The following PIK3C3 variants were observed in gnomAD, a reference collection of about 807,000 sequenced individuals.
PIK3C3 encodes the protein phosphatidylinositol 3-kinase catalytic subunit type 3, also known as PI3-kinase type 3.
PIK3C3 carries 95 observed loss-of-function variants against 126.1 expected under a neutral mutation model. That is an observed-to-expected ratio of 0.75 (90% confidence interval 0.64 to 0.89). The LOEUF is 0.89. Among genes scored for constraint, PIK3C3 ranks in the 40% least tolerant of loss-of-function variants. PIK3C3 has a pLI of 0.00. For synonymous variants in PIK3C3, 374 were observed against 360.0 expected (o/e 1.04, Z -0.44); for missense variants, 829 against 1,063.2 (o/e 0.78, Z 3.06).
intron 15 of PIK3C3, among the ~76,000 whole-genome samples, chr18:42,032,654 T>TTATTTATG (rs1196140364): frequency 2.0e-5 from 3 of 150,494 alleles, no homozygotes; most frequent in Non-Finnish European, 4.4e-5. Flanking sequence ...ATTTATTTAT[T>TTATTTATG]TATTTATTTA....
At chr18:42,062,438 A>ATT (rs60319154) in intron 22 of PIK3C3, among the ~76,000 whole-genome samples, 46 of 146,972 alleles carry the variant, frequency 3.1e-4, no homozygotes, top group African/African-American at 4.0e-4. Context: ...ACATTATGAG[A>ATT]TTTTTTTTTT....
At chr18:41,991,509 A>G (rs574996000) in intron 6 of PIK3C3, among the ~76,000 whole-genome samples, 2 of 152,320 alleles carry the variant, frequency 1.3e-5, no homozygotes, top group East Asian at 3.9e-4. Context: ...TATTTCTTCT[A>G]GCATATGACC....
chr18:42,057,295 A>G (rs1427020444), intron 21 of PIK3C3, among the ~76,000 whole-genome samples: 2 of 152,148 alleles, frequency 1.3e-5, no homozygotes, highest in Non-Finnish European at 2.9e-5. Flanking sequence ...CTATACAATG[A>G]AAACAGATTT....
At chr18:42,014,167 C>A (rs576185128) in intron 11 of PIK3C3, among the ~76,000 whole-genome samples, 348 of 128,654 alleles carry the variant, frequency 2.7e-3, no homozygotes, top group Non-Finnish European at 4.0e-3. Context: ...GAGATTGCAC[C>A]AGTGCGCTCC....
At chr18:42,029,733 A>C (rs1177128702) in intron 15 of PIK3C3, among the ~76,000 whole-genome samples, 3 of 151,114 alleles carry the variant, frequency 2.0e-5, no homozygotes, top group Non-Finnish European at 4.4e-5. Context: ...AGTAGAGATG[A>C]GGTTTCACCA....
At chr18:41,970,754 G>T (rs1980625592) in intron 4 of PIK3C3, 3 of 547,510 alleles carry the variant, frequency 5.5e-6, no homozygotes, top group Non-Finnish European at 6.4e-6. Context: ...TCTGCTCCCT[G>T]CAGTTAGTTC....
intron 24 of PIK3C3, among the ~76,000 whole-genome samples, chr18:42,075,190 G>A (rs1985929322): frequency 1.3e-5 from 2 of 151,968 alleles, no homozygotes; most frequent in South Asian, 2.1e-4. Context: ...TCCATTTTTA[G>A]GGACCTAATT....
intron 19 of PIK3C3, 84 bp from the exon 20 acceptor site, chr18:42,043,649 T>C: frequency 2.4e-6 from 2 of 828,300 alleles, no homozygotes; most frequent in Middle Eastern, 2.4e-4. Context: ...TGCTAGACAC[T>C]TGCTGGTCAC....
In PIK3C3 at chr18:42,027,965, G is replaced by A. The variant is rs1045742690; in HGVS notation, c.1590+417G>A. Reference sequence around the variant, plus strand: ...GCCACTATACCTGGCCTGGTTTAGCGGTTGAAAAGAAATCAAAAGAAGAAG... The same window carrying A: ...GCCACTATACCTGGCCTGGTTTAGCAGTTGAAAAGAAATCAAAAGAAGAAG... On this transcript the variant is annotated intron_variant, in intron 14 of 24. Transcript: ENST00000262039. 4.6e-5 allele frequency among the ~76,000 whole-genome samples: 7 copies of A among 151,966 alleles called. No homozygotes were observed. The South Asian group carries it at 6.2e-4, about 14-fold the overall frequency.
chr18:42,060,106 G>A (rs1985250779), intron 22 of PIK3C3, among the ~76,000 whole-genome samples: 2 of 152,024 alleles, frequency 1.3e-5, no homozygotes, highest in South Asian at 4.2e-4. Flanking sequence ...GTATTTCAGA[G>A]TATGTTTTAG....
chr18:42,038,609 G>C (rs1165113372), intron 17 of PIK3C3, among the ~76,000 whole-genome samples, 172 bp from the exon 18 acceptor site: 1 of 152,082 alleles, frequency 6.6e-6, no homozygotes. Context: ...CTCCCAAAGT[G>C]CTGGGATTAC....
chr18:42,001,749 T>C (rs1244756074), intron 9 of PIK3C3, among the ~76,000 whole-genome samples: 4 of 152,186 alleles, frequency 2.6e-5, no homozygotes, highest in Non-Finnish European at 4.4e-5. Flanking sequence ...GTTTCAGTTA[T>C]TGAATTGAGT....
intron 21 of PIK3C3, among the ~76,000 whole-genome samples, chr18:42,051,896 G>A (rs1332731185): frequency 6.6e-6 from 1 of 151,828 alleles, no homozygotes; most frequent in African/African-American, 2.4e-5. Flanking sequence ...AATGGGTGCA[G>A]CACACCAACA....
chr18:41,975,835 G>A (rs1980894729), intron 4 of PIK3C3, among the ~76,000 whole-genome samples: 1 of 151,836 alleles, frequency 6.6e-6, no homozygotes, highest in Non-Finnish European at 1.5e-5. Flanking sequence ...AGGTAGCTGT[G>A]ACTACAGGCA....
intron 21 of PIK3C3, among the ~76,000 whole-genome samples, chr18:42,054,446 TAAA>T: frequency 6.6e-6 from 1 of 151,674 alleles, no homozygotes; most frequent in Non-Finnish European, 1.5e-5. Flanking sequence ...CCATCTAGAT[TAAA>T]GGTCTGCCTT....
At chr18:42,037,222 T>G (rs555633588) in intron 16 of PIK3C3, among the ~76,000 whole-genome samples, 2 of 152,328 alleles carry the variant, frequency 1.3e-5, no homozygotes, top group South Asian at 4.1e-4. Context: ...ATTGTTATGT[T>G]GTACTGTTTC....
intron 16 of PIK3C3, among the ~76,000 whole-genome samples, chr18:42,034,163 A>C (rs1286501509): frequency 6.6e-6 from 1 of 152,116 alleles, no homozygotes; most frequent in African/African-American, 2.4e-5. Context: ...GGGCATTTTT[A>C]TGTAACATGT....
intron 21 of PIK3C3, among the ~76,000 whole-genome samples, chr18:42,054,317 A>C (rs908623997): frequency 6.6e-6 from 1 of 150,708 alleles, no homozygotes; most frequent in Non-Finnish European, 1.5e-5. Context: ...CGGATGTTCG[A>C]GGGTAGGAAA....
At chr18:41,970,591 T>G (rs867003620) in intron 4 of PIK3C3, 135 bp downstream of exon 4, 5 of 803,010 alleles carry the variant, frequency 6.2e-6, no homozygotes, top group African/African-American at 5.1e-5. Flanking sequence ...TTTATTGAGA[T>G]ATAATTCACA....
Sources: allele counts gnomAD v4.1 joint callset (sites outside exome capture counted in the v4.1 genomes callset), GRCh38; gene constraint gnomAD v4.1.1; transcripts MANE v1.5; gene names NCBI Gene and HGNC (gene_info 2026-07-23, HGNC 2026-07-21).